Variants in FMN1 observed in about 807,000 individuals in gnomAD.
FMN1 encodes the protein formin 1, also known as formin-1.
In FMN1, 110 loss-of-function variants were observed where a neutral mutation model predicts 132.4. That is an observed-to-expected ratio of 0.83 (90% CI 0.71 to 0.97). The LOEUF is 0.97. FMN1 is among the 50% of genes least tolerant of loss of function. FMN1 has a pLI of 0.00. For synonymous variants in FMN1, 722 were observed against 651.7 expected (o/e 1.11, Z -1.64); for missense variants, 1,792 against 1,705.3 (o/e 1.05, Z -0.90).
intron 2 of FMN1, among the ~76,000 whole-genome samples, chr15:33,183,397 T>A (rs1160459410): frequency 6.6e-6 from 1 of 152,192 alleles, no homozygotes; most frequent in Non-Finnish European, 1.5e-5. Context: ...ACACTGAGGA[T>A]AGAGAAATAC....
intron 10 of FMN1, among the ~76,000 whole-genome samples, chr15:32,922,556 A>G (rs952274292): frequency 6.6e-6 from 1 of 151,938 alleles, no homozygotes; most frequent in African/African-American, 2.4e-5. Flanking sequence ...GAGAGCACAG[A>G]GAAGTGCTCC....
intron 4 of FMN1, among the ~76,000 whole-genome samples, chr15:33,114,861 CCCTT>C (rs1197005120): frequency 6.6e-6 from 1 of 152,160 alleles, no homozygotes; most frequent in Non-Finnish European, 1.5e-5. Context: ...TTTTTCCCCT[CCCTT>C]ATTTTGCCTA....
At chr15:32,980,716 A>G (rs7177189) in intron 7 of FMN1, among the ~76,000 whole-genome samples, 8,304 of 152,122 alleles carry the variant, frequency 0.055, 384 homozygotes, top group African/African-American at 0.13. Flanking sequence ...TAACTGGTCT[A>G]TTTTCCTTCC....
At chr15:32,864,723 T>A (rs910209711) in intron 16 of FMN1, among the ~76,000 whole-genome samples, 8 of 152,152 alleles carry the variant, frequency 5.3e-5, no homozygotes, top group African/African-American at 1.9e-4. Flanking sequence ...GACAAACAAG[T>A]GCCTTTTTAT....
intron 17 of FMN1, among the ~76,000 whole-genome samples, chr15:32,846,125 A>G (rs1233870067): frequency 6.6e-6 from 1 of 152,244 alleles, no homozygotes; most frequent in Non-Finnish European, 1.5e-5. Context: ...CCTATCGTTA[A>G]TAAGACTGTA....
chr15:32,810,490 G>A (rs907410300), intron 17 of FMN1, among the ~76,000 whole-genome samples: 2 of 152,110 alleles, frequency 1.3e-5, no homozygotes, highest in Admixed American at 6.6e-5. Context: ...CTCCAGTTTC[G>A]TCTGTATCAG....
rs190960722 is a variant in FMN1 at position 33,156,496 on chromosome 15, C to T, written c.-131-1451G>A. On this transcript the variant is annotated intron_variant, in intron 3 of 20. Transcript: ENST00000616417. ...GTAGAAACAGCCTTTTGCCATGTTTCCCAGGGTGGTCTGGAAATCTTGGAC... is the reference window on the plus strand; with the variant it reads ...GTAGAAACAGCCTTTTGCCATGTTTTCCAGGGTGGTCTGGAAATCTTGGAC... Among the ~76,000 whole-genome samples the T allele has an allele frequency of 4.1e-3, 616 of 150,994 alleles. 2 individuals are homozygous for T. Among genetic ancestry groups the T allele is most frequent in the South Asian group, 0.016 (76 of 4,744 alleles).
chr15:32,974,805 C>T (rs2032071826), intron 7 of FMN1, among the ~76,000 whole-genome samples: 1 of 152,158 alleles, frequency 6.6e-6, no homozygotes, highest in African/African-American at 2.4e-5. Context: ...TCACTTAGGT[C>T]ATTTCAGAAT....
intron 9 of FMN1, among the ~76,000 whole-genome samples, chr15:32,929,279 C>T (rs2061043291): frequency 6.6e-6 from 1 of 152,200 alleles, no homozygotes. Context: ...TTCCATGTAG[C>T]CACTCTTGTG....
At chr15:32,974,413 T>C (rs74942810) in intron 7 of FMN1, among the ~76,000 whole-genome samples, 1,706 of 152,340 alleles carry the variant, frequency 0.011, 24 homozygotes, top group South Asian at 0.022. Flanking sequence ...TGTTATAATA[T>C]ATGTCCATCT....
chr15:32,771,402 C>T lies in FMN1; in HGVS notation c.*2908G>A, dbSNP rs12050761. The T allele has an allele frequency of 0.57, 85,997 of 151,880 alleles. 24,763 individuals carry two copies. Among genetic ancestry groups the T allele is most frequent in the East Asian group, 0.77 (3,905 of 5,094 alleles). 9.4% of individuals were successfully genotyped at this position (151,880 alleles called of 1,614,324 possible). A position where few individuals can be genotyped will look rare whatever the true frequency, so the allele number is the denominator to read the frequency against. On this transcript the variant is annotated 3_prime_UTR_variant, in exon 21 of 21. Coordinates refer to ENST00000616417, the MANE Select transcript of FMN1 (RefSeq NM_001277313.2). ...CCCGGGCCTGATGCTTTTTACCTAACGTGTCTGTAGTGTAATTTATGATGT... is the reference window on the plus strand; with the variant it reads ...CCCGGGCCTGATGCTTTTTACCTAATGTGTCTGTAGTGTAATTTATGATGT...
intron 3 of FMN1, among the ~76,000 whole-genome samples, chr15:33,168,742 C>T (rs1965205054): frequency 6.6e-6 from 1 of 152,194 alleles, no homozygotes. Flanking sequence ...AAACCAACCC[C>T]AACTTTGGCA....
At chr15:33,028,235 A>G (rs938132430) in intron 6 of FMN1, among the ~76,000 whole-genome samples, 6 of 152,200 alleles carry the variant, frequency 3.9e-5, no homozygotes, top group Admixed American at 3.9e-4. Flanking sequence ...TCCAAAGTCA[A>G]GAACTGCATT....
chr15:33,155,002 A>G lies in FMN1; in HGVS notation c.-88T>C, dbSNP rs934672909. On this transcript the variant is annotated 5_prime_UTR_variant, in exon 4 of 21. Transcript: ENST00000616417. ...AGTGGTGAGGCATGTGATGGTGGCTATGCAGAGAAAGCAGCTGACAGTCAT... is the reference window on the plus strand; with the variant it reads ...AGTGGTGAGGCATGTGATGGTGGCTGTGCAGAGAAAGCAGCTGACAGTCAT... 7.4e-6 allele frequency: 8 copies of G among 1,076,638 alleles called. No individual in the cohort carries two copies. The highest frequency in any genetic ancestry group is 1.0e-5 in the Non-Finnish European group (8 of 770,084). The allele number at this position is 1,076,638 out of a possible 1,614,324, so 66.7% of individuals were successfully genotyped here.
chr15:33,089,812 C>T (rs2038840826), intron 4 of FMN1, among the ~76,000 whole-genome samples: 1 of 152,174 alleles, frequency 6.6e-6, no homozygotes, highest in Non-Finnish European at 1.5e-5. Flanking sequence ...GCCTGACATT[C>T]TATTCTTAAG....
chr15:33,119,817 C>A (rs769250684), intron 4 of FMN1, among the ~76,000 whole-genome samples: 9 of 152,172 alleles, frequency 5.9e-5, no homozygotes, highest in Non-Finnish European at 1.2e-4. Context: ...CAGTCTTCTT[C>A]TTTGCTCTCA....
chr15:32,910,509 C>G lies in FMN1; in HGVS notation c.3253G>C (p.Val1085Leu), dbSNP rs1466166709. 7.6e-6 allele frequency: 12 copies of G among 1,578,712 alleles called. No homozygotes were observed. The highest frequency in any genetic ancestry group is 9.5e-6 in the Non-Finnish European group (11 of 1,161,746). The change falls in exon 11 of 21, where the codon GTT becomes CTT. Residue 1085 changes from valine to leucine, a missense_variant. By Grantham distance (32) the Val-to-Leu change is conservative. Around this residue, in one of 3 missense-constraint regions of FMN1, gnomAD observed 1,150 missense variants for 1,043.1 expected, o/e 1.10. Transcript: ENST00000616417. Reference protein sequence around the residue: ...QAIFNVDDSVVDLETLAALYE... With the variant: ...QAIFNVDDSVLDLETLAALYE... Reference sequence around the variant, plus strand: ...AAGGCTGCCAGGGTCTCCAGATCAACCACGGAGTCATCCACATTGAAAATG... The same window carrying G: ...AAGGCTGCCAGGGTCTCCAGATCAAGCACGGAGTCATCCACATTGAAAATG...
chr15:32,904,313 T>A (rs1253698152), intron 12 of FMN1, among the ~76,000 whole-genome samples: 4 of 152,144 alleles, frequency 2.6e-5, no homozygotes, highest in Non-Finnish European at 5.9e-5. Flanking sequence ...CTGAATGGTA[T>A]CTGTGGGGGA....
intron 9 of FMN1, among the ~76,000 whole-genome samples, chr15:32,955,565 T>A (rs1596338959): frequency 6.6e-6 from 1 of 152,150 alleles, no homozygotes; most frequent in East Asian, 1.9e-4. Context: ...TAACAGAATC[T>A]CAGAAAATGG....
Sources: allele counts gnomAD v4.1 joint callset (sites outside exome capture counted in the v4.1 genomes callset), GRCh38; gene constraint gnomAD v4.1.1; regional missense constraint gnomAD v4.1.1; transcripts MANE v1.5; gene names NCBI Gene and HGNC (gene_info 2026-07-23, HGNC 2026-07-21).